ZNF536: variants seen among roughly 807,000 people sequenced by gnomAD.
The protein encoded by ZNF536 is zinc finger protein 536.
Under a neutral mutation model 84.5 loss-of-function variants are expected in ZNF536, and 13 were observed. The ratio of observed to expected loss-of-function variants is 0.15; its 90% CI spans 0.10 to 0.24. ZNF536 has a LOEUF of 0.24. Ranked by LOEUF, ZNF536 falls within the 10% of genes least tolerant of loss-of-function variation. The pLI, the probability that ZNF536 is intolerant of heterozygous loss-of-function variation, is 1.00. For missense variants in ZNF536, 1,536 were observed against 1,747.5 expected, an observed-to-expected ratio of 0.88 and a Z score of 2.16; for synonymous variants, 811 against 742.5, an observed-to-expected ratio of 1.09 and a Z score of -1.50.
At chr19:30,599,632 C>A (rs2047611477) in intron 1 of ZNF536, among the ~76,000 whole-genome samples, 1 of 152,012 alleles carries the variant, frequency 6.6e-6, no homozygotes, top group Admixed American at 6.5e-5. Flanking sequence ...ACTTGTGTCA[C>A]TGGCCTCCCT....
At chr19:30,670,667 G>T (rs931163625) in intron 1 of ZNF536, among the ~76,000 whole-genome samples, 1 of 152,174 alleles carries the variant, frequency 6.6e-6, no homozygotes, top group Non-Finnish European at 1.5e-5. Context: ...GCTCTTCCTC[G>T]TGGAGTCTGA....
At chr19:30,644,597 A>G (rs2049395454) in intron 1 of ZNF536, among the ~76,000 whole-genome samples, 1 of 151,958 alleles carries the variant, frequency 6.6e-6, no homozygotes. Flanking sequence ...ATTCCCACCT[A>G]TGAGTGAGAA....
intron 2 of ZNF536, among the ~76,000 whole-genome samples, chr19:30,337,834 G>A (rs187868060): frequency 5.3e-5 from 8 of 152,316 alleles, no homozygotes; most frequent in Non-Finnish European, 8.8e-5. Context: ...AACTTAACAC[G>A]GCTCTGGGCT....
intron 2 of ZNF536, among the ~76,000 whole-genome samples, chr19:30,496,102 G>A (rs1010591151): frequency 6.6e-6 from 1 of 152,164 alleles, no homozygotes; most frequent in African/African-American, 2.4e-5. Flanking sequence ...CGTTCCTGGG[G>A]AATCTGGTCT....
intron 1 of ZNF536, among the ~76,000 whole-genome samples, chr19:30,242,415 T>G (rs1264014390): frequency 6.6e-6 from 1 of 152,124 alleles, no homozygotes; most frequent in Non-Finnish European, 1.5e-5. Flanking sequence ...ATGGCAGCAT[T>G]GGGTTAGACT....
chr19:30,303,506 CTT>C (rs34351280), intron 2 of ZNF536, among the ~76,000 whole-genome samples: 64 of 145,442 alleles, frequency 4.4e-4, no homozygotes, highest in South Asian at 6.6e-4. Flanking sequence ...CTTTTTGACA[CTT>C]TTTTTTTTTT....
At chr19:30,577,408 T>C (rs773693244) in intron 1 of ZNF536, among the ~76,000 whole-genome samples, 4 of 152,234 alleles carry the variant, frequency 2.6e-5, no homozygotes, top group Admixed American at 6.5e-5. Context: ...GTCAGTTCAT[T>C]AGTTAGTTAT....
At chr19:30,409,020 A>G (rs2050378143) in intron 1 of ZNF536, among the ~76,000 whole-genome samples, 1 of 151,406 alleles carries the variant, frequency 6.6e-6, no homozygotes, top group Non-Finnish European at 1.5e-5. Context: ...CCATCCATCC[A>G]TCCATCCATC....
rs2145935447 is a variant in ZNF536, at chr19:30,534,930, G to T, written c.2254G>T (p.Asp752Tyr). 1 of 1,614,000 alleles carries T rather than the reference G, an allele frequency of 6.2e-7. No individual in the cohort carries two copies. ...RDRSLGSAMK[D>Y]CPYCGKTFRT... ...CAGAAGCCTGGGCTCGGCCATGAAG[G>T]ACTGCCCGTACTGTGGGAAAACTTT... Residue 752 changes from aspartate (D) to tyrosine (Y), a missense_variant, in exon 3 of 5, where the codon GAC (aspartate) becomes TAC (tyrosine). Physicochemically the swap from Asp to Tyr is radical, Grantham distance 160. Coordinates refer to ENST00000355537, the MANE Select transcript of ZNF536 (RefSeq NM_014717.3).
At chr19:30,525,331 A>G (rs1224516899) in intron 2 of ZNF536, among the ~76,000 whole-genome samples, 1 of 152,036 alleles carries the variant, frequency 6.6e-6, no homozygotes, top group Non-Finnish European at 1.5e-5. Context: ...GCCCTGGACT[A>G]TTTCTCCCCA....
intron 1 of ZNF536, among the ~76,000 whole-genome samples, chr19:30,266,205 T>A (rs1010445279): frequency 6.6e-6 from 1 of 152,180 alleles, no homozygotes; most frequent in Non-Finnish European, 1.5e-5. Context: ...CGAGCCACCA[T>A]GCCTGGCTAA....
chr19:30,704,647 CAAAAAAAA>C (rs970475752), intron 1 of ZNF536, among the ~76,000 whole-genome samples: 4 of 53,472 alleles, frequency 7.5e-5, no homozygotes, highest in African/African-American at 1.5e-4. Flanking sequence ...GAGTCCATCT[CAAAAAAAA>C]AAAAAAAAAA....
chr19:30,516,039 A>G (rs1277238013), intron 2 of ZNF536, among the ~76,000 whole-genome samples: 3 of 151,610 alleles, frequency 2.0e-5, no homozygotes, highest in Non-Finnish European at 2.9e-5. Context: ...AAAAAAAAAA[A>G]AAAGAAAAAA....
At chr19:30,333,965 A>C (rs2047299072) in intron 2 of ZNF536, among the ~76,000 whole-genome samples, 1 of 152,138 alleles carries the variant, frequency 6.6e-6, no homozygotes, top group Non-Finnish European at 1.5e-5. Context: ...ATGAATCCTT[A>C]ATGAGGATAG....
At chr19:30,648,691 T>G (rs190137944) in intron 1 of ZNF536, among the ~76,000 whole-genome samples, 1 of 152,182 alleles carries the variant, frequency 6.6e-6, no homozygotes, top group South Asian at 2.1e-4. Flanking sequence ...TGCGTGAAAT[T>G]TGCCCACAAA....
intron 1 of ZNF536, among the ~76,000 whole-genome samples, chr19:30,585,747 A>T (rs1246134465): frequency 6.6e-6 from 1 of 151,946 alleles, no homozygotes; most frequent in Non-Finnish European, 1.5e-5. Context: ...TCCCCTGATG[A>T]CCTTCCCTCC....
chr19:30,699,386 C>T (rs1045359765), intron 1 of ZNF536, among the ~76,000 whole-genome samples: 12 of 152,228 alleles, frequency 7.9e-5, no homozygotes, highest in African/African-American at 2.9e-4. Context: ...AATCCATTAC[C>T]ACACAGATCA....
At chr19:30,610,427 T>TG (rs1426726003) in intron 1 of ZNF536, among the ~76,000 whole-genome samples, 6 of 152,112 alleles carry the variant, frequency 3.9e-5, no homozygotes, top group Non-Finnish European at 5.9e-5. Context: ...CCAGTCCTTG[T>TG]GGGGGTCTCC....
At position 30,444,999 on chromosome 19, in the gene ZNF536, C is replaced by T. The variant is rs370443078; in HGVS notation, c.1437C>T (p.Gly479=). 3.1e-6 allele frequency: 5 copies of T among 1,611,060 alleles called. No homozygotes were observed. The highest frequency in any genetic ancestry group is 4.2e-6 in the Non-Finnish European group (5 of 1,178,602). ...LLSPISSMAH[G]VPEGDKHSLL... is the part of the protein sequence containing the mutation. Reference sequence around the variant, plus strand: ...CTCCCATCTCCAGCATGGCCCACGGCGTCCCGGAGGGGGACAAGCACTCCC... The same window carrying T: ...CTCCCATCTCCAGCATGGCCCACGGTGTCCCGGAGGGGGACAAGCACTCCC... The change falls in exon 2 of 5, where the codon GGC becomes GGT. Residue 479 remains glycine, a synonymous_variant. Coordinates refer to ENST00000355537, the MANE Select transcript of ZNF536 (RefSeq NM_014717.3).
Sources: gnomAD v4.1 joint callset for allele counts (sites outside exome capture counted in the v4.1 genomes callset) on GRCh38, gnomAD v4.1.1 for gene constraint, MANE v1.5 for transcripts, NCBI Gene and HGNC (gene_info 2026-07-23, HGNC 2026-07-21) for gene names.